Variants in ZDBF2 observed in about 807,000 individuals in gnomAD.
The protein encoded by ZDBF2 is DBF4-type zinc finger-containing protein 2.
Under a neutral mutation model 9.4 loss-of-function variants are expected in ZDBF2, and 6 were observed. The observed-to-expected ratio is 0.64, with a 90% CI of 0.35 to 1.27. The LOEUF is 1.27. Among genes scored for constraint, ZDBF2 ranks in the 50% most tolerant of loss-of-function variants. The probability of loss-of-function intolerance (pLI) is 0.03; values close to 1 mark genes in which losing one functional copy is unlikely to be tolerated. For missense variants in ZDBF2, 2,697 were observed against 2,766.8 expected (o/e 0.97, Z 0.57); for synonymous variants, 905 against 946.3 (o/e 0.96, Z 0.80).
At position 206,307,586 on chromosome 2, in the gene ZDBF2, A is replaced by C. The variant is rs867417796; in HGVS notation, c.3058A>C (p.Lys1020Gln). 1.2e-6 allele frequency: 2 copies of C among 1,612,818 alleles called. No individual in the cohort carries two copies. Among genetic ancestry groups the C allele is most frequent in the Admixed American group, 1.7e-5 (1 of 59,834 alleles). The stretch of plus-strand genomic sequence containing the variant: ...AACTGAACCTCAAGTAGCTGTTAAC[A>C]AAATAAACAGAAAGAAGCAATATGT... The part of the protein sequence containing the change: ...SVTEPQVAVN[K>Q]INRKKQYVLE... Residue 1020 changes from lysine (K) to glutamine (Q), a missense_variant, in exon 5 of 5, where the codon AAA (lysine) becomes CAA (glutamine). Physicochemically the swap from Lys to Gln is moderately conservative, Grantham distance 53. Coordinates refer to ENST00000374423, the MANE Select transcript of ZDBF2 (RefSeq NM_020923.3).
At chr2:206,292,324 T>C (rs1691940061) in intron 3 of ZDBF2, among the ~76,000 whole-genome samples, 1 of 152,178 alleles carries the variant, frequency 6.6e-6, no homozygotes, top group Non-Finnish European at 1.5e-5. Context: ...GAAAAGTCTG[T>C]AACTAACTAC....
chr2:206,297,201 G>T, intron 3 of ZDBF2, 45 bp from the exon 4 acceptor site: 2 of 838,680 alleles, frequency 2.4e-6, no homozygotes, highest in South Asian at 3.0e-5. Context: ...TCTCACTACT[G>T]AATACTGTCC....
At position 206,297,359 on chromosome 2, in the gene ZDBF2, T is replaced by C. The variant is rs757733318; in HGVS notation, c.174T>C (p.His58=). The C allele has an allele frequency of 6.2e-7, 1 of 1,612,724 alleles. No homozygotes were observed. The highest frequency in any genetic ancestry group is 8.5e-7 in the Non-Finnish European group (1 of 1,179,460). The change falls in exon 4 of 5, where the codon CAT becomes CAC. Residue 58 remains histidine (H), a synonymous_variant. Coordinates refer to ENST00000374423, the MANE Select transcript of ZDBF2 (RefSeq NM_020923.3). ...LQDVLQHHPY[H]CQESSSTQDE... ...ATGTACTGCAGCACCACCCATATCA[T>C]TGTCAAGAGAGCAGGTAAAGTAGTT... is the stretch of plus-strand genomic sequence containing the variant.
rs1282371414 is a variant in ZDBF2, at chr2:206,313,783, G to A, written c.*2190G>A. The A allele has an allele frequency of 2.0e-5, 3 of 152,060 alleles. No homozygotes were observed. The highest frequency in any genetic ancestry group is 2.9e-5 in the Non-Finnish European group (2 of 67,990). The allele number at this position is 152,060 out of a possible 1,614,324, so 9.4% of individuals were successfully genotyped here. ...CTTCTAAGTACCATTTTCATTGGGG[G>A]CAGGGAGAAGGTTTATATTTAAATT... On this transcript the variant is annotated 3_prime_UTR_variant, in exon 5 of 5. Transcript: ENST00000374423.
chr2:206,283,315 T>C (rs1227835184), intron 3 of ZDBF2, among the ~76,000 whole-genome samples: 1 of 152,238 alleles, frequency 6.6e-6, no homozygotes, highest in Non-Finnish European at 1.5e-5. Flanking sequence ...GGCTGTACCT[T>C]ACCACCAGCA....
intron 3 of ZDBF2, among the ~76,000 whole-genome samples, chr2:206,282,732 C>T (rs971433362): frequency 1.3e-5 from 2 of 152,134 alleles, no homozygotes; most frequent in Non-Finnish European, 2.9e-5. Flanking sequence ...AACTCATACA[C>T]CATAAACTTG....
chr2:206,314,262 A>ATT lies in ZDBF2; in HGVS notation c.*2669_*2670insTT, dbSNP rs1693302788. On this transcript the variant is annotated 3_prime_UTR_variant, in exon 5 of 5. Transcript: ENST00000374423. ...TTATGTAACTAGGGCTGTGAGTAACACTTTTTTTTTTTTTTTTTGGTTAAA... is the reference window on the plus strand; with the variant it reads ...TTATGTAACTAGGGCTGTGAGTAACATTCTTTTTTTTTTTTTTTTTGGTTAAA... 3.1e-5 allele frequency: 2 copies of ATT among 64,002 alleles called. No individual in the cohort carries two copies. The highest frequency in any genetic ancestry group is 5.1e-5 in the African/African-American group (1 of 19,690). 4.0% of individuals were successfully genotyped at this position (64,002 alleles called of 1,614,324 possible).
chr2:206,296,578 A>G (rs933346552), intron 3 of ZDBF2, among the ~76,000 whole-genome samples: 1 of 152,212 alleles, frequency 6.6e-6, no homozygotes, highest in African/African-American at 2.4e-5. Flanking sequence ...CGTTTCAGGC[A>G]TCCACTGGGG....
Position 206,304,819 on chromosome 2 carries a change from T to C in ZDBF2, c.291T>C (p.Val97=). 1 of 1,613,602 alleles carries C rather than the reference T, an allele frequency of 6.2e-7. No individual in the cohort carries two copies. The highest frequency in any genetic ancestry group is 8.5e-7 in the Non-Finnish European group (1 of 1,179,740). The change falls in exon 5 of 5, where the codon GTT becomes GTC. Residue 97 remains valine (V), a synonymous_variant. Coordinates refer to ENST00000374423, the MANE Select transcript of ZDBF2 (RefSeq NM_020923.3). ...SEEEEEDEDK[V]EDEDATEERP... ...AAGAGGAAGAGGATGAGGATAAGGT[T>C]GAGGATGAGGATGCTACCGAAGAGA...
intron 3 of ZDBF2, chr2:206,292,200 G>T (rs1691933284): frequency 2.5e-6 from 1 of 397,564 alleles, no homozygotes. Flanking sequence ...GGGAGTAAAT[G>T]ATGTTAATTT....
intron 4 of ZDBF2, among the ~76,000 whole-genome samples, chr2:206,299,888 A>T (rs1692407411): frequency 6.6e-6 from 1 of 151,776 alleles, no homozygotes; most frequent in South Asian, 2.1e-4. Flanking sequence ...CGGGCGGATC[A>T]CCTGAGGTCG....
At position 206,307,444 on chromosome 2, in the gene ZDBF2, AGTAATT is replaced by A; in HGVS notation, c.2919_2924del (p.Ile974_Val975del). On this transcript the variant is annotated inframe_deletion, in exon 5 of 5. Transcript: ENST00000374423. ...TTCAGGCAGCGACTCACAAACCTGA[AGTAATT>A]GTCAAAGAAACATGGCTTCAAAGAG... 1 of 1,612,168 alleles carries A rather than the reference AGTAATT, an allele frequency of 6.2e-7. No individual in the cohort carries two copies. Among genetic ancestry groups the A allele is most frequent in the Non-Finnish European group, 8.5e-7 (1 of 1,179,382 alleles).
chr2:206,280,955 T>G (rs148619918), intron 2 of ZDBF2, among the ~76,000 whole-genome samples: 103 of 152,340 alleles, frequency 6.8e-4, no homozygotes, highest in African/African-American at 2.4e-3. Context: ...TAAACTGCAT[T>G]AAATTTTTTA....
intron 4 of ZDBF2, 70 bp downstream of exon 4, chr2:206,297,443 C>T: frequency 7.6e-7 from 1 of 1,307,528 alleles, no homozygotes; most frequent in Non-Finnish European, 1.0e-6. Context: ...GTTCATGTCC[C>T]AATCAATACT....
At chr2:206,283,387 T>TTG (rs1691429457) in intron 3 of ZDBF2, among the ~76,000 whole-genome samples, 1 of 151,342 alleles carries the variant, frequency 6.6e-6, no homozygotes, top group African/African-American at 2.4e-5. Flanking sequence ...TGTTTTGTTT[T>TTG]TTGTTGTTGT....
chr2:206,289,139 C>T (rs1276856412), intron 3 of ZDBF2, among the ~76,000 whole-genome samples: 2 of 152,110 alleles, frequency 1.3e-5, no homozygotes, highest in Middle Eastern at 3.2e-3. Flanking sequence ...AGGTACTCAG[C>T]CCTGGGGTGC....
chr2:206,308,046 A>T lies in ZDBF2; in HGVS notation c.3518A>T (p.Asn1173Ile). The change falls in exon 5 of 5, where the codon AAT becomes ATT. Residue 1173 changes from asparagine to isoleucine, a missense_variant. Coordinates refer to ENST00000374423, the MANE Select transcript of ZDBF2 (RefSeq NM_020923.3). ...GGTTTCTTGGGTCAGTCAATAGTCAATCGACCTCAAATAACTATTTTGGAG... is the reference window on the plus strand; with the variant it reads ...GGTTTCTTGGGTCAGTCAATAGTCATTCGACCTCAAATAACTATTTTGGAG... ...DSGFLGQSIVNRPQITILEQE... is the reference protein window; with the variant it reads ...DSGFLGQSIVIRPQITILEQE... 6.2e-7 allele frequency: 1 copy of T among 1,613,980 alleles called. No individual in the cohort carries two copies. Among genetic ancestry groups the T allele is most frequent in the Non-Finnish European group, 8.5e-7 (1 of 1,179,844 alleles).
intron 2 of ZDBF2, 145 bp from the exon 3 acceptor site, chr2:206,281,656 A>T: frequency 1.9e-6 from 1 of 525,752 alleles, no homozygotes; most frequent in South Asian, 2.6e-5. Flanking sequence ...CTCCAGGTTC[A>T]CTTATTTATT....
chr2:206,280,075 G>C (rs2105896186), intron 2 of ZDBF2, among the ~76,000 whole-genome samples: 1 of 152,346 alleles, frequency 6.6e-6, no homozygotes, highest in South Asian at 2.1e-4. Context: ...AAAGTGCTGG[G>C]ATTACAGGCA....
Sources: allele counts gnomAD v4.1 joint callset (sites outside exome capture counted in the v4.1 genomes callset), GRCh38; gene constraint gnomAD v4.1.1; transcripts MANE v1.5; gene names NCBI Gene and HGNC (gene_info 2026-07-23, HGNC 2026-07-21).